The following WWP2 variants were observed in gnomAD, a reference collection of about 807,000 sequenced individuals.
The protein encoded by WWP2 is NEDD4-like E3 ubiquitin-protein ligase WWP2.
In WWP2, 57 loss-of-function variants were observed where a neutral mutation model predicts 121.0. That is an observed-to-expected ratio of 0.47 (90% CI 0.38 to 0.59). The LOEUF (loss-of-function observed/expected upper bound fraction) is 0.59, where lower values mean the gene tolerates loss of function less well. WWP2 is among the 20% of genes least tolerant of loss of function. The pLI is 0.00. For missense variants in WWP2, 962 were observed against 1,158.9 expected (o/e 0.83, Z 2.47); for synonymous variants, 449 against 441.3 (o/e 1.02, Z -0.22).
At chr16:69,806,640 A>T (rs2056281007) in intron 4 of WWP2, among the ~76,000 whole-genome samples, 1 of 151,860 alleles carries the variant, frequency 6.6e-6, no homozygotes, top group Non-Finnish European at 1.5e-5. Flanking sequence ...CAATTTTGTT[A>T]ACTCATTTTT....
chr16:69,909,441 G>T, intron 9 of WWP2: 2 of 985,722 alleles, frequency 2.0e-6, no homozygotes, highest in South Asian at 4.7e-5. Flanking sequence ...CGGAAGTAGG[G>T]ACTCTTAGGA....
intron 4 of WWP2, among the ~76,000 whole-genome samples, chr16:69,828,593 G>A (rs2056744002): frequency 6.6e-6 from 1 of 152,002 alleles, no homozygotes; most frequent in Admixed American, 6.6e-5. Flanking sequence ...TTGAACTCCT[G>A]ACCTCAGGTG....
chr16:69,934,241 C>T (rs2058762642), intron 17 of WWP2, 112 bp downstream of exon 17: 2 of 1,361,456 alleles, frequency 1.5e-6, no homozygotes, highest in Non-Finnish European at 2.0e-6. Flanking sequence ...CTGAGACCTC[C>T]AGGAAGGGGC....
At chr16:69,791,329 G>A (rs1448244690) in intron 2 of WWP2, among the ~76,000 whole-genome samples, 1 of 151,846 alleles carries the variant, frequency 6.6e-6, no homozygotes, top group Admixed American at 6.6e-5. Flanking sequence ...CCAAGTTCAA[G>A]CAATTCTCCT....
At chr16:69,933,944 T>C in intron 16 of WWP2, 26 bp from the exon 17 acceptor site, 1 of 1,609,878 alleles carries the variant, frequency 6.2e-7, no homozygotes, top group African/African-American at 1.3e-5. Flanking sequence ...CCATTATTCT[T>C]GTCTTTTCTG....
At position 69,925,305 on chromosome 16, in the gene WWP2, C is replaced by T; in HGVS notation, c.1180-125C>T. ...GCAGATGCCACCTAAAGTCCCACTG[C>T]ATTCCCTGCAAAGCGCTCAAATGTG... On this transcript the variant is annotated intron_variant, in intron 10 of 23. Coordinates refer to ENST00000359154, the MANE Select transcript of WWP2 (RefSeq NM_001270454.2). The surrounding 1 kb of genome is among the most constrained non-coding windows in gnomAD (Gnocchi z 4.0). The T allele has an allele frequency of 6.6e-7, 1 of 1,503,922 alleles. No homozygotes were observed. The highest frequency in any genetic ancestry group is 8.9e-7 in the Non-Finnish European group (1 of 1,122,420). 93.2% of individuals were successfully genotyped at this position (1,503,922 alleles called of 1,614,324 possible).
chr16:69,767,705 G>A (rs1423688569), intron 1 of WWP2, among the ~76,000 whole-genome samples: 1 of 152,106 alleles, frequency 6.6e-6, no homozygotes, highest in Non-Finnish European at 1.5e-5. Flanking sequence ...TGCATCTGAG[G>A]GCTGTTTGTG....
chr16:69,911,329 G>T (rs1218392016), intron 9 of WWP2, among the ~76,000 whole-genome samples: 2 of 152,194 alleles, frequency 1.3e-5, no homozygotes, highest in Admixed American at 1.3e-4. Context: ...TCAGACCACA[G>T]GTAAGCAAAG....
chr16:69,810,088 G>A (rs1257679807), intron 4 of WWP2, among the ~76,000 whole-genome samples: 2 of 152,206 alleles, frequency 1.3e-5, no homozygotes, highest in Admixed American at 1.3e-4. Context: ...GACCTGATGG[G>A]CGATGGTTGC....
At chr16:69,872,507 G>A (rs183357199) in intron 7 of WWP2, among the ~76,000 whole-genome samples, 142 of 152,328 alleles carry the variant, frequency 9.3e-4, no homozygotes, top group Non-Finnish European at 1.6e-3. Context: ...GAGCCACTGC[G>A]CCTAGCCTTT....
In WWP2 at chr16:69,939,111, G is replaced by T. The variant is rs1316720678; in HGVS notation, c.2428G>T (p.Ala810Ser). ...CTGCCGCCTGCCCGTCGGGGGATTT[G>T]CCGAACTCATCGGTATGTTTTCTCT... Reference protein sequence around the residue: ...GTCRLPVGGFAELIGSNGPQK... With the variant: ...GTCRLPVGGFSELIGSNGPQK... Residue 810 changes from alanine to serine, a missense_variant, in exon 22 of 24, where the codon GCC (alanine) becomes TCC (serine). Around this residue, in one of 3 missense-constraint regions of WWP2, gnomAD observed 606 missense variants for 772.6 expected, o/e 0.78. Coordinates refer to ENST00000359154, the MANE Select transcript of WWP2 (RefSeq NM_001270454.2). The T allele has an allele frequency of 9.4e-6, 15 of 1,601,308 alleles. No individual in the cohort carries two copies. The highest frequency in any genetic ancestry group is 1.7e-5 in the Admixed American group (1 of 58,458).
At chr16:69,790,979 G>A (rs992525572) in intron 2 of WWP2, among the ~76,000 whole-genome samples, 5 of 152,128 alleles carry the variant, frequency 3.3e-5, no homozygotes, top group Admixed American at 6.6e-5. Flanking sequence ...GATTGTTTTT[G>A]TAGTCTTGAA....
At chr16:69,874,617 G>T (rs2057703331) in intron 7 of WWP2, among the ~76,000 whole-genome samples, 1 of 152,206 alleles carries the variant, frequency 6.6e-6, no homozygotes, top group Non-Finnish European at 1.5e-5. Context: ...CTAAGTTTTA[G>T]AAGTGGTGGA....
At chr16:69,802,554 C>A (rs1040350694) in intron 4 of WWP2, among the ~76,000 whole-genome samples, 1 of 151,730 alleles carries the variant, frequency 6.6e-6, no homozygotes, top group African/African-American at 2.4e-5. Flanking sequence ...ATAATGTCCT[C>A]AAGGCTTATT....
intron 8 of WWP2, among the ~76,000 whole-genome samples, chr16:69,905,077 C>T (rs951338227): frequency 1.3e-5 from 2 of 152,234 alleles, no homozygotes; most frequent in Non-Finnish European, 1.5e-5. Context: ...AGACGCCCAG[C>T]TGTAGCTGTT....
chr16:69,896,058 A>T (rs1356614079), intron 8 of WWP2, among the ~76,000 whole-genome samples: 1 of 152,210 alleles, frequency 6.6e-6, no homozygotes, highest in Non-Finnish European at 1.5e-5. Flanking sequence ...AGGCTGGGCC[A>T]TGAGATGTTT....
intron 4 of WWP2, among the ~76,000 whole-genome samples, chr16:69,822,993 C>T (rs756482091): frequency 6.6e-6 from 1 of 152,014 alleles, no homozygotes; most frequent in Non-Finnish European, 1.5e-5. Flanking sequence ...AAAAATTAGC[C>T]AGGCATGGTG....
chr16:69,859,226 T>C (rs2057372443), intron 6 of WWP2, among the ~76,000 whole-genome samples: 1 of 152,164 alleles, frequency 6.6e-6, no homozygotes, highest in African/African-American at 2.4e-5. Context: ...GACAACATTC[T>C]TATCTGCATA....
At chr16:69,864,820 C>T (rs957362696) in intron 6 of WWP2, among the ~76,000 whole-genome samples, 1 of 152,010 alleles carries the variant, frequency 6.6e-6, no homozygotes, top group Non-Finnish European at 1.5e-5. Context: ...CCATGTTGGC[C>T]AGGCTGGTCT....
Sources: gnomAD v4.1 joint callset for allele counts (sites outside exome capture counted in the v4.1 genomes callset) on GRCh38, gnomAD v4.1.1 for gene constraint, gnomAD v4.1.1 regional missense constraint, Gnocchi (gnomAD v3.1) non-coding constraint, MANE v1.5 for transcripts, NCBI Gene and HGNC (gene_info 2026-07-23, HGNC 2026-07-21) for gene names.